Variants in RPS6KA2 observed in about 807,000 individuals in gnomAD.
RPS6KA2 encodes the protein ribosomal protein S6 kinase A2.
RPS6KA2 carries 42 observed loss-of-function variants against 91.8 expected under a neutral mutation model. The observed-to-expected ratio is 0.46, with a 90% CI of 0.36 to 0.59. The LOEUF (loss-of-function observed/expected upper bound fraction) is 0.59, where lower values mean the gene tolerates loss of function less well. Ranked by LOEUF, RPS6KA2 falls within the 20% of genes least tolerant of loss-of-function variation. The pLI is 0.00. For synonymous variants in RPS6KA2, 414 were observed against 393.6 expected (o/e 1.05, Z -0.61); for missense variants, 798 against 978.5 (o/e 0.82, Z 2.46).
At chr6:166,761,247 GTT>G (rs1778162807) in intron 2 of RPS6KA2, among the ~76,000 whole-genome samples, 1 of 152,128 alleles carries the variant, frequency 6.6e-6, no homozygotes, top group African/African-American at 2.4e-5. Flanking sequence ...ATTTCACCAT[GTT>G]GCCCGGGCTG....
chr6:166,472,794 T>C (rs1389472058), intron 10 of RPS6KA2, among the ~76,000 whole-genome samples: 1 of 152,150 alleles, frequency 6.6e-6, no homozygotes, highest in Non-Finnish European at 1.5e-5. Context: ...GGGATGCGGA[T>C]GACACGCACT....
At chr6:166,701,780 C>G in intron 2 of RPS6KA2, 2 of 1,023,018 alleles carry the variant, frequency 2.0e-6, no homozygotes, top group South Asian at 1.3e-5. Context: ...ATTTTCCTAA[C>G]GCTCCCTGAT....
intron 2 of RPS6KA2, among the ~76,000 whole-genome samples, chr6:166,787,944 C>T (rs187169315): frequency 2.6e-4 from 35 of 135,264 alleles, no homozygotes; most frequent in Admixed American, 4.7e-4. Context: ...GGGCTAATAT[C>T]CAGAATCTAC....
At chr6:166,716,988 T>C (rs1790032041) in intron 2 of RPS6KA2, among the ~76,000 whole-genome samples, 1 of 152,240 alleles carries the variant, frequency 6.6e-6, no homozygotes. Flanking sequence ...AGGACCTTGC[T>C]CATGGCTGTG....
rs1778622085 is a variant in RPS6KA2 at position 166,418,656 on chromosome 6, G to A, written c.1821-314C>T. Among the ~76,000 whole-genome samples, 1 of 152,240 alleles carries A rather than the reference G, an allele frequency of 6.6e-6. No homozygotes were observed. The highest frequency in any genetic ancestry group is 1.5e-5 in the Non-Finnish European group (1 of 68,046). ...AGTTGCCTGGTGCCGTGGTTTCCAC[G>A]GTGATGGTGTGGCATCATGCGAGAG... On this transcript the variant is annotated intron_variant, in intron 18 of 20. Transcript: ENST00000265678. This position sits in a 1 kb window ranked among gnomAD's most constrained non-coding sequence, Gnocchi z 4.9.
rs534115447 is a variant in RPS6KA2 at position 166,533,491 on chromosome 6, C to T, written c.217-2178G>A. Among the ~76,000 whole-genome samples the T allele has an allele frequency of 7.2e-5, 11 of 152,366 alleles. No individual in the cohort carries two copies. Among genetic ancestry groups the T allele is most frequent in the South Asian group, 4.1e-4 (2 of 4,828 alleles). ...TTGTGGCAGGGACGCCACATTTCCC[C>T]GGCATCCTGCAGGTAAGTTGGGCAG... On this transcript the variant is annotated intron_variant, in intron 2 of 20. Coordinates refer to ENST00000265678, the MANE Select transcript of RPS6KA2 (RefSeq NM_021135.6). This position sits in a 1 kb window ranked among gnomAD's most constrained non-coding sequence, Gnocchi z 4.0.
intron 3 of RPS6KA2, among the ~76,000 whole-genome samples, chr6:166,521,011 C>T (rs1782835744): frequency 6.6e-6 from 1 of 152,252 alleles, no homozygotes; most frequent in African/African-American, 2.4e-5. Flanking sequence ...TCATGGGCTG[C>T]CCACCCTCCA....
At chr6:166,790,275 G>C (rs186868125) in intron 2 of RPS6KA2, among the ~76,000 whole-genome samples, 17 of 152,154 alleles carry the variant, frequency 1.1e-4, no homozygotes, top group Admixed American at 3.9e-4. Flanking sequence ...GATGGAAGAC[G>C]AAATGAATGA....
intron 2 of RPS6KA2, among the ~76,000 whole-genome samples, chr6:166,651,562 C>T (rs926170776): frequency 6.6e-6 from 1 of 152,216 alleles, no homozygotes; most frequent in Non-Finnish European, 1.5e-5. Context: ...GCTACGAAGG[C>T]TGTTATCAGA....
intron 2 of RPS6KA2, among the ~76,000 whole-genome samples, chr6:166,778,587 G>A (rs560800344): frequency 3.3e-5 from 5 of 152,258 alleles, no homozygotes; most frequent in South Asian, 2.1e-4. Context: ...CCAACACGGC[G>A]AAACCCCGTC....
chr6:166,752,743 A>G (rs1777886629), intron 2 of RPS6KA2, among the ~76,000 whole-genome samples: 1 of 152,142 alleles, frequency 6.6e-6, no homozygotes, highest in Non-Finnish European at 1.5e-5. Flanking sequence ...CGGTCCCCAC[A>G]CCATTTTATG....
intron 1 of RPS6KA2, among the ~76,000 whole-genome samples, chr6:166,569,796 T>C (rs139730480): frequency 1.3e-5 from 2 of 152,204 alleles, no homozygotes; most frequent in African/African-American, 2.4e-5. Flanking sequence ...CCCTCGGGAA[T>C]AGGACATCTC....
At chr6:166,644,627 A>G (rs1487842926) in intron 2 of RPS6KA2, among the ~76,000 whole-genome samples, 1 of 152,180 alleles carries the variant, frequency 6.6e-6, no homozygotes, top group Non-Finnish European at 1.5e-5. Context: ...AAGGGCCCAT[A>G]CATATTAAAA....
At chr6:166,787,341 G>A (rs1583118056) in intron 2 of RPS6KA2, among the ~76,000 whole-genome samples, 2 of 152,140 alleles carry the variant, frequency 1.3e-5, no homozygotes, top group East Asian at 3.9e-4. Flanking sequence ...GTGTTTTGGG[G>A]AAAAGTTATG....
At chr6:166,758,102 A>C (rs930995502) in intron 2 of RPS6KA2, among the ~76,000 whole-genome samples, 1 of 152,254 alleles carries the variant, frequency 6.6e-6, no homozygotes, top group African/African-American at 2.4e-5. Context: ...GTGCCTTAGC[A>C]GTGCATGAAA....
In RPS6KA2 at chr6:166,423,387, T is replaced by A. The variant is rs1778798375; in HGVS notation, c.1612A>T (p.Ile538Phe). The A allele has an allele frequency of 6.2e-7, 1 of 1,612,840 alleles. No individual in the cohort carries two copies. Among genetic ancestry groups the A allele is most frequent in the African/African-American group, 1.3e-5 (1 of 74,902 alleles). Residue 538 changes from isoleucine to phenylalanine, a missense_variant, in exon 17 of 21, where the codon ATC becomes TTC. By Grantham distance (21) the Ile-to-Phe change is conservative (BLOSUM62 0). Transcript: ENST00000265678. The surrounding 1 kb of genome is among the most constrained non-coding windows in gnomAD (Gnocchi z 4.8). Reference protein sequence around the residue: ...VVHRDLKPSNILYRDESGSPE... With the variant: ...VVHRDLKPSNFLYRDESGSPE... ...CTCCCCGACTCATCCCTGTACAGGA[T>A]GTTACTCGGCTTCAGGTCTCGATGA... is the stretch of plus-strand genomic sequence containing the variant.
chr6:166,738,572 C>T (rs950653297), intron 2 of RPS6KA2, among the ~76,000 whole-genome samples: 4 of 152,120 alleles, frequency 2.6e-5, no homozygotes, highest in Admixed American at 1.3e-4. Context: ...CTTTCAAGCC[C>T]GGCGTGTGTA....
intron 1 of RPS6KA2, chr6:166,858,395 C>G: frequency 1.6e-6 from 1 of 629,636 alleles, no homozygotes; most frequent in Non-Finnish European, 2.9e-6. Flanking sequence ...ACCATATCAC[C>G]GTCCCTTCCC....
chr6:166,783,627 T>C (rs960869677), intron 2 of RPS6KA2, among the ~76,000 whole-genome samples: 1 of 152,110 alleles, frequency 6.6e-6, no homozygotes, highest in Non-Finnish European at 1.5e-5. Context: ...CACATATCTA[T>C]AACTGCATAT....
Sources: allele counts gnomAD v4.1 joint callset (sites outside exome capture counted in the v4.1 genomes callset), GRCh38; gene constraint gnomAD v4.1.1; non-coding constraint Gnocchi (gnomAD v3.1); transcripts MANE v1.5; gene names NCBI Gene and HGNC (gene_info 2026-07-23, HGNC 2026-07-21).